The following AFF3 variants were observed in gnomAD, a reference collection of about 807,000 sequenced individuals.
AFF3 encodes ALF transcription elongation factor 3.
A neutral mutation model predicts 129.7 loss-of-function variants in AFF3; 32 were observed. That is an observed-to-expected ratio of 0.25 (90% confidence interval 0.19 to 0.33). AFF3 has a LOEUF of 0.33. AFF3 is among the 10% of genes least tolerant of loss of function. AFF3 has a pLI of 1.00. For synonymous variants in AFF3, 644 were observed against 635.4 expected (o/e 1.01, Z -0.20); for missense variants, 1,373 against 1,592.0 (o/e 0.86, Z 2.34).
chr2:100,132,011 C>T (rs938825716), intron 1 of AFF3, among the ~76,000 whole-genome samples: 9 of 152,076 alleles, frequency 5.9e-5, no homozygotes, highest in African/African-American at 1.9e-4. Context: ...AGGACCGGCC[C>T]GCCACACACT....
intron 8 of AFF3, among the ~76,000 whole-genome samples, chr2:99,836,270 T>C (rs898467900): frequency 6.6e-6 from 1 of 152,176 alleles, no homozygotes; most frequent in African/African-American, 2.4e-5. Flanking sequence ...ATATGTGAAC[T>C]GCAAATATGA....
chr2:99,773,850 C>T (rs1015184963), intron 8 of AFF3, among the ~76,000 whole-genome samples: 1 of 152,202 alleles, frequency 6.6e-6, no homozygotes, highest in South Asian at 2.1e-4. Context: ...AGCCCAAAAG[C>T]TTCTTAAGCT....
chr2:99,801,900 A>G (rs764893724), intron 8 of AFF3, among the ~76,000 whole-genome samples: 1 of 152,246 alleles, frequency 6.6e-6, no homozygotes, highest in African/African-American at 2.4e-5. Context: ...CACTCTTCCC[A>G]TAAGCACCTC....
chr2:99,877,784 G>A (rs1016971577), intron 7 of AFF3, among the ~76,000 whole-genome samples: 2 of 152,188 alleles, frequency 1.3e-5, no homozygotes, highest in Non-Finnish European at 2.9e-5. Flanking sequence ...GACTCTAGGT[G>A]TTAATTTTTT....
intron 4 of AFF3, among the ~76,000 whole-genome samples, chr2:100,094,343 TG>T (rs1690110432): frequency 6.6e-6 from 1 of 152,094 alleles, no homozygotes. Context: ...GAGTCCCATC[TG>T]GGGGTGATGG....
intron 10 of AFF3, among the ~76,000 whole-genome samples, chr2:99,731,817 C>T (rs1679855040): frequency 6.6e-6 from 1 of 152,196 alleles, no homozygotes; most frequent in Non-Finnish European, 1.5e-5. Flanking sequence ...AATGAATTCT[C>T]ATTGTTATGT....
intron 13 of AFF3, among the ~76,000 whole-genome samples, chr2:99,614,315 T>G (rs965662737): frequency 6.6e-6 from 1 of 152,160 alleles, no homozygotes; most frequent in Admixed American, 6.5e-5. Context: ...GGACATAAAT[T>G]AAGTCTCACA....
intron 4 of AFF3, among the ~76,000 whole-genome samples, chr2:100,024,124 C>T (rs948510454): frequency 6.8e-6 from 1 of 146,190 alleles, no homozygotes; most frequent in African/African-American, 2.5e-5. Flanking sequence ...CCCAGCTACT[C>T]GGGAGGCTGA....
rs535931182 is a variant in AFF3, at chr2:99,891,516, C to CGGCA, written c.874-53996_874-53993dup. 8.1e-3 allele frequency among the ~76,000 whole-genome samples: 1,232 copies of CGGCA among 152,290 alleles called. 14 individuals carry two copies. The highest frequency in any genetic ancestry group is 0.012 in the Non-Finnish European group (816 of 68,024). ...AGAGGCAGCCAGAGTCTGCCCAGCC[C>CGGCA]GGCAGGATGCTGAAGCTGGGGAAGA... On this transcript the variant is annotated intron_variant, in intron 7 of 24. Coordinates refer to ENST00000672756, the MANE Select transcript of AFF3 (RefSeq NM_001386135.1).
chr2:100,137,329 AT>A (rs1203676615), intron 1 of AFF3, among the ~76,000 whole-genome samples: 2 of 152,220 alleles, frequency 1.3e-5, no homozygotes, highest in Non-Finnish European at 2.9e-5. Flanking sequence ...AATTTCAAAG[AT>A]TTTTCCCTTT....
chr2:100,054,990 C>G (rs1366354412), intron 4 of AFF3, among the ~76,000 whole-genome samples: 1 of 152,204 alleles, frequency 6.6e-6, no homozygotes, highest in Admixed American at 6.5e-5. Context: ...AATTTTATCC[C>G]TGCTTTCACT....
chr2:99,999,364 G>C (rs989228139), intron 7 of AFF3, among the ~76,000 whole-genome samples: 2 of 152,200 alleles, frequency 1.3e-5, no homozygotes, highest in African/African-American at 4.8e-5. Context: ...AGGATTGGTG[G>C]GGAGCACCTT....
chr2:99,977,773 T>A (rs1281260029), intron 7 of AFF3, among the ~76,000 whole-genome samples: 1 of 147,964 alleles, frequency 6.8e-6, no homozygotes, highest in Non-Finnish European at 1.5e-5. Flanking sequence ...TCCCCCTTCA[T>A]CTCACCTGTT....
chr2:99,750,590 A>C (rs1305463433), intron 9 of AFF3, among the ~76,000 whole-genome samples: 1 of 151,252 alleles, frequency 6.6e-6, no homozygotes, highest in East Asian at 2.0e-4. Flanking sequence ...TAATTTTTTC[A>C]TATTTTTGTT....
At chr2:99,851,090 CACGGCT>C (rs1012774849) in intron 7 of AFF3, among the ~76,000 whole-genome samples, 1 of 152,204 alleles carries the variant, frequency 6.6e-6, no homozygotes, top group African/African-American at 2.4e-5. Flanking sequence ...GAAGGGTTCA[CACGGCT>C]ACAGGTTGCA....
At chr2:99,686,970 G>GCATGTTGCCAGC (rs1472985251) in intron 11 of AFF3, among the ~76,000 whole-genome samples, 1 of 152,220 alleles carries the variant, frequency 6.6e-6, no homozygotes, top group Non-Finnish European at 1.5e-5. Flanking sequence ...TATGTGCCAG[G>GCATGTTGCCAGC]CATGTTGCCA....
intron 8 of AFF3, among the ~76,000 whole-genome samples, chr2:99,821,206 AG>A (rs1407249999): frequency 6.6e-6 from 1 of 152,164 alleles, no homozygotes; most frequent in Non-Finnish European, 1.5e-5. Flanking sequence ...AAGGTCTTCA[AG>A]GGCAATTATA....
At chr2:99,618,646 C>T (rs1681689318) in intron 13 of AFF3, among the ~76,000 whole-genome samples, 1 of 152,128 alleles carries the variant, frequency 6.6e-6, no homozygotes, top group Admixed American at 6.5e-5. Context: ...AGTAGCCTAA[C>T]CAGTAAGAAT....
Position 99,854,597 on chromosome 2 carries a change from C to T in AFF3, c.874-17073G>A, listed in dbSNP as rs146527257. On this transcript the variant is annotated intron_variant, in intron 7 of 24. Coordinates refer to ENST00000672756, the MANE Select transcript of AFF3 (RefSeq NM_001386135.1). ...CTAAACACATAGTCATTAATTACAG[C>T]TCACAACCTCCCATCACTTCTGCCT... Among the ~76,000 whole-genome samples, 276 of 152,302 alleles carry T rather than the reference C, an allele frequency of 1.8e-3. 1 individual carries two copies. The highest frequency in any genetic ancestry group is 6.4e-3 in the African/African-American group (264 of 41,574).
Sources: gnomAD v4.1 joint callset for allele counts (sites outside exome capture counted in the v4.1 genomes callset) on GRCh38, gnomAD v4.1.1 for gene constraint, MANE v1.5 for transcripts, NCBI Gene and HGNC (gene_info 2026-07-23, HGNC 2026-07-21) for gene names.